The following MAF variants were observed in gnomAD, a reference collection of about 807,000 sequenced individuals.
MAF encodes the protein MAF bZIP transcription factor.
In MAF, 10 loss-of-function variants were observed where a neutral mutation model predicts 22.0. The observed-to-expected ratio is 0.45, with a 90% CI of 0.28 to 0.77. The LOEUF (loss-of-function observed/expected upper bound fraction) is 0.77. MAF is among the 30% of genes least tolerant of loss of function. MAF has a pLI of 0.12. For synonymous variants in MAF, 337 were observed against 255.8 expected (o/e 1.32, Z -3.03); for missense variants, 544 against 548.4 (o/e 0.99, Z 0.08).
At chr16:79,576,103 G>C in the MAF span, among the ~76,000 whole-genome samples, 4 of 151,934 alleles carry the variant, frequency 2.6e-5, no homozygotes, top group African/African-American at 9.7e-5. Context: ...TATCTTCTGA[G>C]TATACATCAA....
chr16:79,232,537 A>G, the MAF span, among the ~76,000 whole-genome samples: 1 of 152,104 alleles, frequency 6.6e-6, no homozygotes, highest in Non-Finnish European at 1.5e-5. Context: ...TTAACTGAGA[A>G]GGCTCTTACC....
the MAF span, among the ~76,000 whole-genome samples, chr16:79,562,869 C>T: frequency 6.6e-6 from 1 of 152,202 alleles, no homozygotes; most frequent in African/African-American, 2.4e-5. Flanking sequence ...GGCCCCTCCC[C>T]AGGTCCAGAA....
the MAF span, among the ~76,000 whole-genome samples, chr16:79,575,813 A>G: frequency 1.3e-5 from 2 of 152,190 alleles, no homozygotes; most frequent in South Asian, 2.1e-4. Flanking sequence ...CATAGTTTTT[A>G]TATCCAAAGA....
chr16:79,461,958 G>T, the MAF span, among the ~76,000 whole-genome samples: 1 of 152,192 alleles, frequency 6.6e-6, no homozygotes, highest in Non-Finnish European at 1.5e-5. Flanking sequence ...CAGAAGCCCA[G>T]TGTATTGCTC....
At chr16:79,595,051 G>C (rs1487800354) in intron 1 of MAF, 2 of 1,048,822 alleles carry the variant, frequency 1.9e-6, no homozygotes, top group Non-Finnish European at 2.3e-6. Flanking sequence ...TCTTTCATCA[G>C]ATGCTTTTTT....
the MAF span, among the ~76,000 whole-genome samples, chr16:79,429,111 C>T: frequency 3.9e-5 from 6 of 152,120 alleles, no homozygotes; most frequent in Non-Finnish European, 7.4e-5. Context: ...GAGCAGGAAC[C>T]TTTATAAGCT....
chr16:79,349,999 A>G, the MAF span, among the ~76,000 whole-genome samples: 1 of 152,188 alleles, frequency 6.6e-6, no homozygotes. Flanking sequence ...TTAAGGCACA[A>G]TGAAAAGTCA....
At chr16:79,512,943 C>T in the MAF span, among the ~76,000 whole-genome samples, 5 of 152,188 alleles carry the variant, frequency 3.3e-5, no homozygotes, top group Admixed American at 1.3e-4. Flanking sequence ...TCAAGCAGCG[C>T]GAGAGAGGGG....
chr16:79,423,009 G>A, the MAF span, among the ~76,000 whole-genome samples: 2 of 152,154 alleles, frequency 1.3e-5, no homozygotes, highest in African/African-American at 2.4e-5. Context: ...AGGAAACTTT[G>A]AGGATGTGAT....
the MAF span, among the ~76,000 whole-genome samples, chr16:79,469,592 A>T: frequency 1.3e-5 from 2 of 151,988 alleles, no homozygotes; most frequent in East Asian, 3.9e-4. Flanking sequence ...TTATTTATTT[A>T]TTTTTAATTT....
chr16:79,299,146 C>T, the MAF span, among the ~76,000 whole-genome samples: 1 of 152,164 alleles, frequency 6.6e-6, no homozygotes, highest in Non-Finnish European at 1.5e-5. Context: ...TCATTTTATA[C>T]AGCCCTGTTT....
the MAF span, among the ~76,000 whole-genome samples, chr16:79,377,344 C>A: frequency 2.0e-5 from 3 of 152,188 alleles, no homozygotes; most frequent in Non-Finnish European, 4.4e-5. Context: ...AGTGTCTGTT[C>A]ATATCCTTCG....
At chr16:79,393,250 G>A in the MAF span, among the ~76,000 whole-genome samples, 1 of 151,688 alleles carries the variant, frequency 6.6e-6, no homozygotes, top group Admixed American at 6.8e-5. Context: ...TTCCTGGGCT[G>A]TACCTACAGA....
chr16:79,409,398 T>C, the MAF span, among the ~76,000 whole-genome samples: 2 of 152,200 alleles, frequency 1.3e-5, no homozygotes, highest in Admixed American at 6.5e-5. Context: ...ACATTTTCAA[T>C]TGAAGGCTGA....
chr16:79,273,176 G>A, the MAF span, among the ~76,000 whole-genome samples: 1 of 152,202 alleles, frequency 6.6e-6, no homozygotes, highest in South Asian at 2.1e-4. Context: ...TCTGCTCCCT[G>A]ATCCCTGCTT....
chr16:79,395,677 C>T, the MAF span, among the ~76,000 whole-genome samples: 2 of 152,302 alleles, frequency 1.3e-5, no homozygotes, highest in African/African-American at 4.8e-5. Flanking sequence ...CCTGGAGTTC[C>T]TTCAGAGTCT....
At chr16:79,231,755 G>C in the MAF span, among the ~76,000 whole-genome samples, 1 of 152,144 alleles carries the variant, frequency 6.6e-6, no homozygotes, top group African/African-American at 2.4e-5. Flanking sequence ...TTAGGTGGCA[G>C]ATGGTTTCGG....
chr16:79,358,269 C>T, the MAF span, among the ~76,000 whole-genome samples: 2 of 152,134 alleles, frequency 1.3e-5, no homozygotes, highest in Non-Finnish European at 2.9e-5. Context: ...GGGTCCTGGT[C>T]GAGAGTTCCT....
intron 1 of MAF, among the ~76,000 whole-genome samples, chr16:79,588,585 C>T (rs994240303): frequency 4.6e-5 from 7 of 151,994 alleles, no homozygotes; most frequent in Non-Finnish European, 7.4e-5. Flanking sequence ...TCTCTGCCTC[C>T]TGAGTAGCTG....
Sources: allele counts gnomAD v4.1 joint callset (sites outside exome capture counted in the v4.1 genomes callset), GRCh38; gene constraint gnomAD v4.1.1; transcripts MANE v1.5; gene names NCBI Gene and HGNC (gene_info 2026-07-23, HGNC 2026-07-21).